Variants in EXT1 observed in about 807,000 individuals in gnomAD.
EXT1 encodes the protein exostosin glycosyltransferase 1.
Under a neutral mutation model 82.5 loss-of-function variants are expected in EXT1, and 20 were observed. The ratio of observed to expected loss-of-function variants is 0.24; its 90% CI spans 0.17 to 0.35. The LOEUF (loss-of-function observed/expected upper bound fraction) is 0.35. Among genes scored for constraint, EXT1 ranks in the 10% least tolerant of loss-of-function variants. The pLI is 1.00. For missense variants in EXT1, 757 were observed against 936.5 expected, an observed-to-expected ratio of 0.81 and a Z score of 2.50; for synonymous variants, 348 against 350.8, an observed-to-expected ratio of 0.99 and a Z score of 0.09.
intron 1 of EXT1, among the ~76,000 whole-genome samples, chr8:118,022,991 T>TG (rs1393101574): frequency 1.3e-5 from 2 of 152,174 alleles, no homozygotes; most frequent in African/African-American, 4.8e-5. Context: ...TAGGAACAGG[T>TG]GGTTAGAGGA....
intron 1 of EXT1, among the ~76,000 whole-genome samples, chr8:117,855,677 T>TA (rs1281041695): frequency 6.6e-6 from 1 of 152,156 alleles, no homozygotes; most frequent in African/African-American, 2.4e-5. Context: ...TCACTTTATT[T>TA]ATTTATTTAG....
intron 1 of EXT1, among the ~76,000 whole-genome samples, chr8:117,995,248 G>A (rs1157164342): frequency 6.6e-6 from 1 of 152,130 alleles, no homozygotes; most frequent in Non-Finnish European, 1.5e-5. Context: ...CCCAGCAGGG[G>A]CCAATCAATA....
At chr8:117,864,119 G>A (rs1290630723) in intron 1 of EXT1, among the ~76,000 whole-genome samples, 1 of 152,070 alleles carries the variant, frequency 6.6e-6, no homozygotes, top group African/African-American at 2.4e-5. Flanking sequence ...CTGAGAAATA[G>A]GTCCCAGCAA....
chr8:118,090,806 A>AAAAAAAAAAAAAT (rs1817510252), intron 1 of EXT1, among the ~76,000 whole-genome samples: 1 of 148,274 alleles, frequency 6.7e-6, no homozygotes, highest in African/African-American at 2.5e-5. Context: ...AAAAAAAAAA[A>AAAAAAAAAAAAAT]AAAGCATGTG....
At chr8:118,059,567 G>A (rs998661735) in intron 1 of EXT1, among the ~76,000 whole-genome samples, 1 of 152,166 alleles carries the variant, frequency 6.6e-6, no homozygotes, top group Non-Finnish European at 1.5e-5. Context: ...CACAGGGTTT[G>A]GAACTCCACA....
intron 1 of EXT1, among the ~76,000 whole-genome samples, chr8:118,031,649 G>C (rs1305060799): frequency 6.6e-6 from 1 of 151,814 alleles, no homozygotes; most frequent in African/African-American, 2.4e-5. Flanking sequence ...TTTGACTTTT[G>C]AACTATAGTG....
chr8:117,854,502 T>C (rs1038200174), intron 1 of EXT1, among the ~76,000 whole-genome samples: 1 of 152,068 alleles, frequency 6.6e-6, no homozygotes, highest in Admixed American at 6.6e-5. Flanking sequence ...GACCACCAAA[T>C]ACATTTTTCA....
At chr8:118,034,214 G>A (rs1019308542) in intron 1 of EXT1, among the ~76,000 whole-genome samples, 2 of 152,124 alleles carry the variant, frequency 1.3e-5, no homozygotes, top group African/African-American at 4.8e-5. Flanking sequence ...ACAGTTGCTG[G>A]AAGTGACCTA....
chr8:117,807,197 G>A lies in EXT1; in HGVS notation c.1883+20C>T, dbSNP rs1384784535. The A allele has an allele frequency of 6.2e-7, 1 of 1,613,996 alleles. No individual in the cohort carries two copies. The highest frequency in any genetic ancestry group is 1.7e-5 in the Admixed American group (1 of 60,022). ...AAAAAGCTATGTAAAGTCTGTAAGA[G>A]ACATGTCCAGATTCCTCACTTGTGG... On this transcript the variant is annotated intron_variant, in intron 9 of 10. Transcript: ENST00000378204.
intron 1 of EXT1, among the ~76,000 whole-genome samples, chr8:118,100,376 C>T (rs1356723956): frequency 6.6e-6 from 1 of 152,108 alleles, no homozygotes; most frequent in Non-Finnish European, 1.5e-5. Flanking sequence ...CTGAACCGGC[C>T]GAGGGAGGCT....
intron 1 of EXT1, among the ~76,000 whole-genome samples, chr8:117,936,038 C>T (rs762621268): frequency 5.9e-5 from 9 of 152,114 alleles, no homozygotes; most frequent in Non-Finnish European, 8.8e-5. Flanking sequence ...GTCCATCAGC[C>T]CACAAAAAGC....
At position 118,098,758 on chromosome 8, in the gene EXT1, C is replaced by CA. The variant is rs3050886; in HGVS notation, c.962+11326dup. 1.3e-3 allele frequency among the ~76,000 whole-genome samples: 163 copies of CA among 128,094 alleles called. 3 individuals are homozygous for CA. In the East Asian group the frequency reaches 0.017, roughly 14 times the overall value. 84.0% of individuals were successfully genotyped at this position (128,094 alleles called of 152,430 possible). The stretch of plus-strand genomic sequence containing the variant: ...TGGACAATAGAGCAAGACTCTGTCT[C>CA]AAAAAAAAAAAAAAAAAGAATAGCT... On this transcript the variant is annotated intron_variant, in intron 1 of 10. Transcript: ENST00000378204.
chr8:117,877,755 T>A (rs999610245), intron 1 of EXT1, among the ~76,000 whole-genome samples: 5 of 152,184 alleles, frequency 3.3e-5, no homozygotes, highest in Non-Finnish European at 4.4e-5. Flanking sequence ...GTGGTATATA[T>A]GCTTCCTTTC....
intron 1 of EXT1, among the ~76,000 whole-genome samples, chr8:117,922,240 G>T (rs1177160371): frequency 6.6e-6 from 1 of 152,070 alleles, no homozygotes; most frequent in Non-Finnish European, 1.5e-5. Context: ...CGAGAAAGGG[G>T]GTACCTCCAT....
chr8:117,956,506 G>C (rs1415444281), intron 1 of EXT1, among the ~76,000 whole-genome samples: 5 of 152,112 alleles, frequency 3.3e-5, no homozygotes, highest in Admixed American at 1.3e-4. Flanking sequence ...GGAGTGGTAT[G>C]ATCTCGACTC....
intron 1 of EXT1, among the ~76,000 whole-genome samples, chr8:117,921,975 CTTT>C (rs11327798): frequency 4.0e-5 from 6 of 148,338 alleles, no homozygotes; most frequent in South Asian, 2.1e-4. Context: ...GATTTGTTTT[CTTT>C]TTTTTTTTTT....
chr8:118,064,956 G>A (rs966213771), intron 1 of EXT1, among the ~76,000 whole-genome samples: 2 of 150,078 alleles, frequency 1.3e-5, no homozygotes, highest in Non-Finnish European at 3.0e-5. Context: ...AGATTCAAGC[G>A]ATTCTCCTGC....
intron 6 of EXT1, among the ~76,000 whole-genome samples, chr8:117,819,379 T>C (rs976809834): frequency 6.6e-6 from 1 of 152,246 alleles, no homozygotes; most frequent in Non-Finnish European, 1.5e-5. Flanking sequence ...AACAAAATCA[T>C]GTGCTTGTAT....
chr8:117,835,513 C>T lies in EXT1; in HGVS notation c.1095G>A (p.Glu365=), dbSNP rs1192284423. Residue 365 remains glutamate (E), a synonymous_variant, in exon 3 of 11, where the codon GAG becomes GAA. Coordinates refer to ENST00000378204, the MANE Select transcript of EXT1 (RefSeq NM_000127.3). ...CVPVMLSNGW[E]LPFSEVINWN... ...AATTAATCACTTCAGAGAATGGCAA[C>T]TCCCATCCATTGCTGAGCATCACAG... 1 of 1,614,180 alleles carries T rather than the reference C, an allele frequency of 6.2e-7. No homozygotes were observed.
Sources: allele counts gnomAD v4.1 joint callset (sites outside exome capture counted in the v4.1 genomes callset), GRCh38; gene constraint gnomAD v4.1.1; transcripts MANE v1.5; gene names NCBI Gene and HGNC (gene_info 2026-07-23, HGNC 2026-07-21).